LRRC4C: variants seen among roughly 807,000 people sequenced by gnomAD.
The protein encoded by LRRC4C is leucine rich repeat containing 4C, also known as leucine-rich repeat-containing protein 4C.
A neutral mutation model predicts 33.6 loss-of-function variants in LRRC4C; 5 were observed. The observed-to-expected ratio is 0.15, with a 90% CI of 0.08 to 0.31. The LOEUF is 0.31. LRRC4C is among the 10% of genes least tolerant of loss of function. The probability of loss-of-function intolerance (pLI) is 1.00; values close to 1 mark genes in which losing one functional copy is unlikely to be tolerated. For missense variants in LRRC4C, 560 were observed against 796.7 expected (o/e 0.70, Z 3.58); for synonymous variants, 329 against 302.0 (o/e 1.09, Z -0.93).
In LRRC4C at chr11:40,657,456, G is replaced by A. The variant is rs189978943; in HGVS notation, c.-406-9178C>T. On this transcript the variant is annotated intron_variant, in intron 2 of 6. Transcript: ENST00000528697. ...GACTAAACTGAAAGAAAAACTCAAGGTGGAAACTGCTTAGGGCAAACCTGT... is the reference window on the plus strand; with the variant it reads ...GACTAAACTGAAAGAAAAACTCAAGATGGAAACTGCTTAGGGCAAACCTGT... Among the ~76,000 whole-genome samples the A allele has an allele frequency of 2.6e-3, 402 of 152,178 alleles. 2 individuals are homozygous for A. The highest frequency in any genetic ancestry group is 0.014 in the Middle Eastern group (4 of 294).
chr11:40,145,071 A>C (rs1857629895), intron 5 of LRRC4C, among the ~76,000 whole-genome samples: 1 of 152,210 alleles, frequency 6.6e-6, no homozygotes, highest in Non-Finnish European at 1.5e-5. Context: ...CAGCCAACAT[A>C]TTCCATTCCA....
At chr11:40,185,827 T>C (rs982063271) in intron 5 of LRRC4C, among the ~76,000 whole-genome samples, 2 of 152,118 alleles carry the variant, frequency 1.3e-5, no homozygotes, top group Non-Finnish European at 2.9e-5. Flanking sequence ...ACTGAGTCCC[T>C]GGACGTCTCA....
intron 1 of LRRC4C, among the ~76,000 whole-genome samples, chr11:41,286,684 T>C (rs1348217857): frequency 1.2e-5 from 1 of 83,292 alleles, no homozygotes; most frequent in African/African-American, 3.9e-5. Flanking sequence ...AGTCACAGCT[T>C]GGGCCTGTCA....
chr11:40,722,309 C>T (rs764882105), intron 2 of LRRC4C, among the ~76,000 whole-genome samples: 1 of 152,176 alleles, frequency 6.6e-6, no homozygotes, highest in Non-Finnish European at 1.5e-5. Context: ...CTAGAGAGAG[C>T]ACGGCTGCAC....
intron 3 of LRRC4C, among the ~76,000 whole-genome samples, chr11:40,633,864 A>T (rs1963726648): frequency 6.6e-6 from 1 of 152,212 alleles, no homozygotes; most frequent in Non-Finnish European, 1.5e-5. Flanking sequence ...AGTATTTTGT[A>T]GGCAAAAAAT....
chr11:40,639,117 T>A (rs1374875991), intron 3 of LRRC4C, among the ~76,000 whole-genome samples: 2 of 152,062 alleles, frequency 1.3e-5, no homozygotes. Context: ...AGTTTTCATC[T>A]TGCAGATATC....
rs565221259 is a variant in LRRC4C at position 40,550,446 on chromosome 11, A to AAACTTTTGTTTCTT, written c.-270+97695_-270+97696insAAGAAACAAAAGTT. On this transcript the variant is annotated intron_variant, in intron 3 of 6. Transcript: ENST00000528697. ...CAGTTTCTTAAAGATCTTTCCTAAG[A>AAACTTTTGTTTCTT]AAAGAAAACAAAAAGCATATGCATT... Among the ~76,000 whole-genome samples, 674 of 152,320 alleles carry AAACTTTTGTTTCTT rather than the reference A, an allele frequency of 4.4e-3. 4 individuals carry two copies. The highest frequency in any genetic ancestry group is 7.6e-3 in the Non-Finnish European group (517 of 68,020).
At position 41,160,681 on chromosome 11, in the gene LRRC4C, A is replaced by G. The variant is rs562052934; in HGVS notation, c.-495-226958T>C. On this transcript the variant is annotated intron_variant, in intron 1 of 6. Transcript: ENST00000528697. Reference sequence around the variant, plus strand: ...GGTGCAGGTGGCTGGCTATATAAAAATAAATTTAAAAATAGTGATAATATT... The same window carrying G: ...GGTGCAGGTGGCTGGCTATATAAAAGTAAATTTAAAAATAGTGATAATATT... 1.2e-4 allele frequency among the ~76,000 whole-genome samples: 18 copies of G among 152,298 alleles called. No individual in the cohort carries two copies. In the East Asian group the frequency reaches 1.9e-3, roughly 16 times the overall value.
chr11:41,391,979 G>A (rs1953614531), intron 1 of LRRC4C, among the ~76,000 whole-genome samples: 1 of 151,804 alleles, frequency 6.6e-6, no homozygotes, highest in Non-Finnish European at 1.5e-5. Flanking sequence ...AAAGTCACCT[G>A]GTTAGCAGGT....
intron 2 of LRRC4C, among the ~76,000 whole-genome samples, chr11:40,811,023 A>C (rs1951466281): frequency 6.6e-6 from 1 of 152,156 alleles, no homozygotes; most frequent in Non-Finnish European, 1.5e-5. Context: ...CTTTCTCTCC[A>C]AACTTGTACT....
chr11:41,242,458 G>C (rs2136561440), intron 1 of LRRC4C, among the ~76,000 whole-genome samples: 1 of 152,130 alleles, frequency 6.6e-6, no homozygotes, highest in East Asian at 1.9e-4. Flanking sequence ...TATGAGAGAT[G>C]GATGGCACCT....
intron 3 of LRRC4C, among the ~76,000 whole-genome samples, chr11:40,422,872 A>G (rs980824959): frequency 4.6e-5 from 7 of 152,178 alleles, no homozygotes; most frequent in Admixed American, 4.6e-4. Context: ...AAATCCAGTA[A>G]TTAAATTTCC....
chr11:40,359,579 C>T (rs970761036), intron 3 of LRRC4C, among the ~76,000 whole-genome samples: 7 of 152,122 alleles, frequency 4.6e-5, no homozygotes, highest in Admixed American at 3.9e-4. Flanking sequence ...AGGATCCTTG[C>T]CTCCAATCTC....
At chr11:40,336,073 A>G (rs991747598) in intron 3 of LRRC4C, among the ~76,000 whole-genome samples, 1 of 152,204 alleles carries the variant, frequency 6.6e-6, no homozygotes, top group Non-Finnish European at 1.5e-5. Context: ...TTTAAGTTCA[A>G]TATAGAGTTT....
In LRRC4C at chr11:41,392,810, A is replaced by G. The variant is rs142346202; in HGVS notation, c.-496+66621T>C. Among the ~76,000 whole-genome samples the G allele has an allele frequency of 2.0e-5, 3 of 151,936 alleles. No homozygotes were observed. In the South Asian group the frequency reaches 6.2e-4, roughly 32 times the overall value. ...ATCCCAAGAATTTCTGGGAACTGCT[A>G]GTGGCCCAGAGGAAGCAGGAAGGAT... On this transcript the variant is annotated intron_variant, in intron 1 of 6. Transcript: ENST00000528697.
intron 2 of LRRC4C, among the ~76,000 whole-genome samples, chr11:40,806,061 A>C (rs1251464160): frequency 6.6e-6 from 1 of 152,182 alleles, no homozygotes; most frequent in Non-Finnish European, 1.5e-5. Flanking sequence ...TGCTACGTAT[A>C]ATTTCTAAAT....
At chr11:41,040,375 ATATC>A (rs1857360749) in intron 1 of LRRC4C, among the ~76,000 whole-genome samples, 1 of 152,160 alleles carries the variant, frequency 6.6e-6, no homozygotes, top group Non-Finnish European at 1.5e-5. Flanking sequence ...TATTTACTGA[ATATC>A]TACTACATAA....
At chr11:41,387,206 T>A (rs1043231400) in intron 1 of LRRC4C, among the ~76,000 whole-genome samples, 1 of 42,450 alleles carries the variant, frequency 2.4e-5, no homozygotes, top group Non-Finnish European at 6.4e-5. Context: ...GATGATAACT[T>A]TTTTTTAAAG....
chr11:40,311,942 T>TC (rs1945333150), intron 4 of LRRC4C, among the ~76,000 whole-genome samples: 2 of 74,632 alleles, frequency 2.7e-5, no homozygotes, highest in African/African-American at 4.5e-5. Flanking sequence ...AGACTCTGTC[T>TC]CAAAAAAAAA....
Sources: allele counts gnomAD v4.1 joint callset (sites outside exome capture counted in the v4.1 genomes callset), GRCh38; gene constraint gnomAD v4.1.1; transcripts MANE v1.5; gene names NCBI Gene and HGNC (gene_info 2026-07-23, HGNC 2026-07-21).